Variants in EXT1 observed in about 807,000 individuals in gnomAD.
The protein encoded by EXT1 is exostosin-1.
In EXT1, 20 loss-of-function variants were observed where a neutral mutation model predicts 82.5. The ratio of observed to expected loss-of-function variants is 0.24; its 90% CI spans 0.17 to 0.35. The LOEUF (loss-of-function observed/expected upper bound fraction) is 0.35, where lower values mean the gene tolerates loss of function less well. Ranked by LOEUF, EXT1 falls within the 10% of genes least tolerant of loss-of-function variation. The pLI is 1.00. For missense variants in EXT1, 757 were observed against 936.5 expected, an observed-to-expected ratio of 0.81 and a Z score of 2.50; for synonymous variants, 348 against 350.8, an observed-to-expected ratio of 0.99 and a Z score of 0.09.
chr8:117,838,405 G>C (rs10094527), intron 1 of EXT1, among the ~76,000 whole-genome samples: 13,673 of 151,986 alleles, frequency 0.09, 793 homozygotes, highest in African/African-American at 0.17. Flanking sequence ...CTAGGCATAC[G>C]GGAGTAAGCC....
chr8:117,997,824 G>C (rs1815578414), intron 1 of EXT1, among the ~76,000 whole-genome samples: 1 of 151,762 alleles, frequency 6.6e-6, no homozygotes, highest in Non-Finnish European at 1.5e-5. Flanking sequence ...TCTTTCATTG[G>C]GGCTCACCTC....
In EXT1 at chr8:117,980,722, T is replaced by G. The variant is rs1208653356; in HGVS notation, c.962+129363A>C. On this transcript the variant is annotated intron_variant, in intron 1 of 10. Coordinates refer to ENST00000378204, the MANE Select transcript of EXT1 (RefSeq NM_000127.3). Reference sequence around the variant, plus strand: ...GGTTTTTTTTTTTTTTTTTTTTTTTTTTTTTTTTTCCAGTGTGAGTTCTTC... The same window carrying G: ...GGTTTTTTTTTTTTTTTTTTTTTTTGTTTTTTTTTCCAGTGTGAGTTCTTC... Among the ~76,000 whole-genome samples, 53 of 145,496 alleles carry G rather than the reference T, an allele frequency of 3.6e-4. 1 individual carries two copies. Among genetic ancestry groups the G allele is most frequent in the Middle Eastern group, 6.9e-3 (2 of 290 alleles).
intron 1 of EXT1, among the ~76,000 whole-genome samples, chr8:117,867,563 G>A (rs1812796419): frequency 6.6e-6 from 1 of 152,164 alleles, no homozygotes; most frequent in Admixed American, 6.5e-5. Flanking sequence ...ATGGTCACAG[G>A]AAAATGATTT....
chr8:118,009,911 C>T (rs753288402), intron 1 of EXT1, among the ~76,000 whole-genome samples: 2 of 152,058 alleles, frequency 1.3e-5, no homozygotes, highest in Non-Finnish European at 2.9e-5. Flanking sequence ...GGACCAAATG[C>T]GTATTTAGTG....
intron 1 of EXT1, among the ~76,000 whole-genome samples, chr8:117,983,568 C>T (rs1289485069): frequency 6.6e-6 from 1 of 152,114 alleles, no homozygotes; most frequent in Non-Finnish European, 1.5e-5. Context: ...CAGGTATGTT[C>T]TAAACATCAT....
chr8:117,820,263 G>A (rs1228238036), intron 5 of EXT1, among the ~76,000 whole-genome samples: 1 of 152,176 alleles, frequency 6.6e-6, no homozygotes, highest in Non-Finnish European at 1.5e-5. Context: ...GGGCCTGACT[G>A]TCTAGGTCTG....
intron 7 of EXT1, among the ~76,000 whole-genome samples, chr8:117,813,611 G>C (rs1823370739): frequency 6.6e-6 from 1 of 152,114 alleles, no homozygotes; most frequent in Non-Finnish European, 1.5e-5. Context: ...TATTAGCACA[G>C]ATTAGAAAAA....
At chr8:117,927,440 C>T (rs192401394) in intron 1 of EXT1, among the ~76,000 whole-genome samples, 261 of 7,054 alleles carry the variant, frequency 0.037, 1 homozygote, top group Middle Eastern at 0.25. Context: ...CACAATTTCT[C>T]CTTGTGATAA....
chr8:118,005,746 TG>T (rs1407221610), intron 1 of EXT1, among the ~76,000 whole-genome samples: 3 of 152,168 alleles, frequency 2.0e-5, no homozygotes, highest in Non-Finnish European at 2.9e-5. Flanking sequence ...CACATGTAGG[TG>T]AAGATTGCAA....
intron 5 of EXT1, 35 bp from the exon 6 acceptor site, chr8:117,819,829 G>A (rs182236429): frequency 1.8e-5 from 29 of 1,586,478 alleles, no homozygotes; most frequent in Admixed American, 1.3e-4. Flanking sequence ...CTAATGAAGC[G>A]CTGGAAAGCA....
intron 1 of EXT1, among the ~76,000 whole-genome samples, chr8:118,008,971 A>G (rs7015149): frequency 0.021 from 3,178 of 152,286 alleles, 105 homozygotes; most frequent in African/African-American, 0.073. Context: ...CTACGCAAGT[A>G]TATCTGTAGA....
At chr8:117,991,172 G>A (rs1267638104) in intron 1 of EXT1, among the ~76,000 whole-genome samples, 1 of 151,368 alleles carries the variant, frequency 6.6e-6, no homozygotes, top group African/African-American at 2.4e-5. Flanking sequence ...GTACAGTGGC[G>A]CAATCTTGGC....
intron 1 of EXT1, among the ~76,000 whole-genome samples, chr8:117,957,394 T>C (rs1287688134): frequency 6.6e-6 from 1 of 152,190 alleles, no homozygotes; most frequent in Admixed American, 6.5e-5. Context: ...CTAATAAGCA[T>C]CCAATAACTC....
At chr8:117,920,727 G>C (rs963341059) in intron 1 of EXT1, among the ~76,000 whole-genome samples, 1 of 152,076 alleles carries the variant, frequency 6.6e-6, no homozygotes, top group Non-Finnish European at 1.5e-5. Context: ...TATCATCTTC[G>C]GGATTACTTT....
At chr8:118,076,892 TA>T (rs1399243839) in intron 1 of EXT1, among the ~76,000 whole-genome samples, 1 of 150,342 alleles carries the variant, frequency 6.7e-6, no homozygotes, top group Non-Finnish European at 1.5e-5. Flanking sequence ...AGAGTAATAA[TA>T]AAATATTTCT....
intron 1 of EXT1, among the ~76,000 whole-genome samples, chr8:117,916,252 G>A (rs1174309024): frequency 2.6e-5 from 4 of 152,288 alleles, no homozygotes; most frequent in Middle Eastern, 3.4e-3. Flanking sequence ...TAATGGGACC[G>A]ATAATTCCAT....
intron 1 of EXT1, among the ~76,000 whole-genome samples, chr8:117,935,405 C>T (rs1029090763): frequency 6.6e-5 from 10 of 151,200 alleles, no homozygotes; most frequent in Non-Finnish European, 1.2e-4. Flanking sequence ...ACTGCAGCCT[C>T]GACCTCCCAG....
At chr8:118,096,508 G>A (rs933040897) in intron 1 of EXT1, among the ~76,000 whole-genome samples, 2 of 151,958 alleles carry the variant, frequency 1.3e-5, no homozygotes, top group African/African-American at 4.8e-5. Context: ...GGCTGAGGCA[G>A]GAGAATCACT....
chr8:117,825,822 G>A (rs557061765), intron 4 of EXT1, among the ~76,000 whole-genome samples: 1 of 152,292 alleles, frequency 6.6e-6, no homozygotes, highest in East Asian at 1.9e-4. Context: ...GTATGTGCAT[G>A]ATTAGATAAC....
Sources: allele counts gnomAD v4.1 joint callset (sites outside exome capture counted in the v4.1 genomes callset), GRCh38; gene constraint gnomAD v4.1.1; transcripts MANE v1.5; gene names NCBI Gene and HGNC (gene_info 2026-07-23, HGNC 2026-07-21).